DMAC2: variants seen among roughly 807,000 people sequenced by gnomAD.
DMAC2 encodes the protein distal membrane arm assembly component 2, also known as distal membrane-arm assembly complex protein 2.
DMAC2 carries 32 observed loss-of-function variants against 29.6 expected under a neutral mutation model. That is an observed-to-expected ratio of 1.08 (90% CI 0.81 to 1.45). The LOEUF is 1.45. DMAC2 is among the 40% of genes most tolerant of loss of function. DMAC2 has a pLI of 0.00. For synonymous variants in DMAC2, 133 were observed against 137.4 expected, an observed-to-expected ratio of 0.97 and a Z score of 0.23; for missense variants, 319 against 340.0, an observed-to-expected ratio of 0.94 and a Z score of 0.49.
At chr19:41,434,916 G>T (rs1334775355) in intron 3 of DMAC2, among the ~76,000 whole-genome samples, 2 of 151,492 alleles carry the variant, frequency 1.3e-5, no homozygotes, top group Non-Finnish European at 2.9e-5. Flanking sequence ...TGAGGCAGGA[G>T]AATTGCTTGA....
rs1330295878 is a variant in DMAC2 at position 41,431,699 on chromosome 19, A to T, written c.*532T>A. On this transcript the variant is annotated 3_prime_UTR_variant, in exon 6 of 6. Transcript: ENST00000221943. ...CCTTTCAAAAAACAGCCAACTGAAAAAGCTGAATTTGGAACATAAAGTCAA... is the reference window on the plus strand; with the variant it reads ...CCTTTCAAAAAACAGCCAACTGAAATAGCTGAATTTGGAACATAAAGTCAA... 1 of 234,652 alleles carries T rather than the reference A, an allele frequency of 4.3e-6. No homozygotes were observed. The highest frequency in any genetic ancestry group is 8.6e-6 in the Non-Finnish European group (1 of 116,678). The allele number at this position is 234,652 out of a possible 1,614,324, so 14.5% of individuals were successfully genotyped here.
chr19:41,439,281 G>A, intron 1 of DMAC2: 1 of 486,184 alleles, frequency 2.1e-6, no homozygotes, highest in South Asian at 3.2e-5. Flanking sequence ...AAAGTTTAAA[G>A]CTGCCAACCT....
At chr19:41,437,083 C>T (rs1173902206) in intron 2 of DMAC2, among the ~76,000 whole-genome samples, 1 of 152,122 alleles carries the variant, frequency 6.6e-6, no homozygotes, top group African/African-American at 2.4e-5. Flanking sequence ...AAGATTCCTT[C>T]AGCTGCTTTG....
chr19:41,434,397 C>CAAAAAA lies in DMAC2; in HGVS notation c.297-730_297-725dup, dbSNP rs1160927067. On this transcript the variant is annotated intron_variant, in intron 3 of 5. Transcript: ENST00000221943. Reference sequence around the variant, plus strand: ...TGCTCCAGCCTGGGAGACCCTATCTCAAAAAAAAAAAAAAAAAAAAAGGAA... The same window carrying CAAAAAA: ...TGCTCCAGCCTGGGAGACCCTATCTCAAAAAAAAAAAAAAAAAAAAAAAAAAAGGAA... Among the ~76,000 whole-genome samples the CAAAAAA allele has an allele frequency of 5.6e-3, 353 of 63,262 alleles. 10 individuals are homozygous for CAAAAAA. Among genetic ancestry groups the CAAAAAA allele is most frequent in the African/African-American group, 0.022 (334 of 15,194 alleles). The allele number at this position is 63,262 out of a possible 152,430, so 41.5% of individuals were successfully genotyped here.
chr19:41,436,513 A>G (rs782377164), intron 2 of DMAC2, 41 bp from the exon 3 acceptor site: 6 of 1,541,752 alleles, frequency 3.9e-6, no homozygotes, highest in Admixed American at 1.7e-5. Flanking sequence ...CCTGGGGAGC[A>G]CCACAGCCCT....
At chr19:41,433,919 G>T (rs1172382986) in intron 3 of DMAC2, among the ~76,000 whole-genome samples, 1 of 150,924 alleles carries the variant, frequency 6.6e-6, no homozygotes, top group East Asian at 2.0e-4. Context: ...GCAACATAGT[G>T]AGACCTCGTC....
intron 1 of DMAC2, chr19:41,439,266 C>T (rs771779161): frequency 1.5e-5 from 7 of 470,876 alleles, no homozygotes; most frequent in Non-Finnish European, 2.7e-5. Flanking sequence ...CCCTTATTTT[C>T]CTCAAAAGTT....
At chr19:41,439,583 TC>T in intron 1 of DMAC2, 2 of 1,523,444 alleles carry the variant, frequency 1.3e-6, no homozygotes, top group Non-Finnish European at 1.8e-6. Flanking sequence ...CCTTGTGTCA[TC>T]CCTCCCTCTG....
intron 3 of DMAC2, among the ~76,000 whole-genome samples, chr19:41,435,521 C>T (rs781932352): frequency 5.3e-5 from 8 of 152,076 alleles, no homozygotes; most frequent in Non-Finnish European, 1.0e-4. Flanking sequence ...CCACCAGCCT[C>T]GGCCTCCCAA....
chr19:41,437,549 AT>A (rs2039934836), intron 2 of DMAC2, among the ~76,000 whole-genome samples: 1 of 151,900 alleles, frequency 6.6e-6, no homozygotes, highest in African/African-American at 2.4e-5. Context: ...AAATACAAAA[AT>A]TAGCTGGGCC....
At chr19:41,432,534 T>C in intron 5 of DMAC2, 126 bp from the exon 6 acceptor site, 1 of 832,156 alleles carries the variant, frequency 1.2e-6, no homozygotes, top group Non-Finnish European at 1.9e-6. Context: ...AAGGACAGCG[T>C]GTGTGTGTAT....
chr19:41,439,130 C>T (rs1316635953), intron 1 of DMAC2: 1 of 243,826 alleles, frequency 4.1e-6, no homozygotes, highest in Non-Finnish European at 8.0e-6. Flanking sequence ...GGGGTGTGGC[C>T]AATGGGAAGA....
chr19:41,431,701 G>A lies in DMAC2; in HGVS notation c.*530C>T, dbSNP rs2039518696. The A allele has an allele frequency of 8.6e-6, 2 of 233,826 alleles. No individual in the cohort carries two copies. The highest frequency in any genetic ancestry group is 1.7e-5 in the Non-Finnish European group (2 of 116,010). 14.5% of individuals were successfully genotyped at this position (233,826 alleles called of 1,614,324 possible). ...TTTCAAAAAACAGCCAACTGAAAAA[G>A]CTGAATTTGGAACATAAAGTCAATA... On this transcript the variant is annotated 3_prime_UTR_variant, in exon 6 of 6. Transcript: ENST00000221943.
chr19:41,431,613 G>A lies in DMAC2; in HGVS notation c.*618C>T, dbSNP rs1344502651. ...CAGAAGCACAACCAACAAGAACCAC[G>A]AAGGAGGCGCCTTTCCTCCTATAAT... is the stretch of plus-strand genomic sequence containing the variant. On this transcript the variant is annotated 3_prime_UTR_variant, in exon 6 of 6. Transcript: ENST00000221943. The A allele has an allele frequency of 1.0e-5, 3 of 288,750 alleles. No homozygotes were observed. The highest frequency in any genetic ancestry group is 2.2e-5 in the African/African-American group (1 of 45,362). The allele number at this position is 288,750 out of a possible 1,614,324, so 17.9% of individuals were successfully genotyped here. A position where few individuals can be genotyped will look rare whatever the true frequency, so the allele number is the denominator to read the frequency against.
chr19:41,433,779 G>T, intron 3 of DMAC2, 106 bp from the exon 4 acceptor site: 1 of 1,430,220 alleles, frequency 7.0e-7, no homozygotes, highest in Non-Finnish European at 9.6e-7. Flanking sequence ...GGTCACCCTT[G>T]ACATAACTAA....
At position 41,432,560 on chromosome 19, in the gene DMAC2, A is replaced by AGT. The variant is rs1352724453; in HGVS notation, c.597-154_597-153dup. 4.8e-4 allele frequency: 289 copies of AGT among 602,986 alleles called. 2 individuals are homozygous for AGT. In the African/African-American group the frequency reaches 4.8e-3, roughly 10 times the overall value. 37.4% of individuals were successfully genotyped at this position (602,986 alleles called of 1,614,324 possible). A position where few individuals can be genotyped will look rare whatever the true frequency, so the allele number is the denominator to read the frequency against. The stretch of plus-strand genomic sequence containing the variant: ...GTGTGTGTATAGGGAGGTACAGGAC[A>AGT]GTGTGTGCGTGTGTGTGTGTGTGTG... On this transcript the variant is annotated intron_variant, in intron 5 of 5. Coordinates refer to ENST00000221943, the MANE Select transcript of DMAC2 (RefSeq NM_018035.3).
chr19:41,433,228 G>A (rs948798691), intron 5 of DMAC2, 44 bp downstream of exon 5: 19 of 1,563,104 alleles, frequency 1.2e-5, no homozygotes, highest in Non-Finnish European at 1.6e-5. Flanking sequence ...GGTTAGGTGG[G>A]AGAGGTGCCT....
At chr19:41,439,566 A>G in intron 1 of DMAC2, 1 of 1,530,308 alleles carries the variant, frequency 6.5e-7, no homozygotes, top group South Asian at 1.2e-5. Context: ...TTGCCTGTCC[A>G]TTAGCTCCTT....
At chr19:41,433,512 C>CCCATCT in intron 4 of DMAC2, 25 bp downstream of exon 4, 1 of 1,614,156 alleles carries the variant, frequency 6.2e-7, no homozygotes, top group Non-Finnish European at 8.5e-7. Context: ...AGAGGCCTGT[C>CCCATCT]CCATCTCCAC....
Sources: allele counts gnomAD v4.1 joint callset (sites outside exome capture counted in the v4.1 genomes callset), GRCh38; gene constraint gnomAD v4.1.1; transcripts MANE v1.5; gene names NCBI Gene and HGNC (gene_info 2026-07-23, HGNC 2026-07-21).